ANGPTL3: variants seen among roughly 807,000 people sequenced by gnomAD.
ANGPTL3 encodes angiopoietin-related protein 3.
In ANGPTL3, 51 loss-of-function variants were observed where a neutral mutation model predicts 52.7. The observed-to-expected ratio is 0.97, with a 90% CI of 0.77 to 1.22. The LOEUF (loss-of-function observed/expected upper bound fraction) is 1.22. Among genes scored for constraint, ANGPTL3 ranks in the 50% most tolerant of loss-of-function variants. The pLI is 0.00. For synonymous variants in ANGPTL3, 185 were observed against 179.8 expected, an observed-to-expected ratio of 1.03 and a Z score of -0.23; for missense variants, 506 against 520.7, an observed-to-expected ratio of 0.97 and a Z score of 0.27.
chr1:62,598,195 C>A, intron 1 of ANGPTL3, 134 bp downstream of exon 1: 1 of 898,524 alleles, frequency 1.1e-6, no homozygotes, highest in African/African-American at 1.8e-5. Flanking sequence ...AAAATAATCT[C>A]CAGAAAATAA....
At position 62,604,749 on chromosome 1, in the gene ANGPTL3, G is replaced by A. The variant is rs753230849; in HGVS notation, c.1315G>A (p.Gly439Arg). 6.2e-6 allele frequency: 10 copies of A among 1,612,900 alleles called. No individual in the cohort carries two copies. The highest frequency in any genetic ancestry group is 8.5e-6 in the Non-Finnish European group (10 of 1,179,316). The change falls in exon 7 of 7, where the codon GGA (glycine) becomes AGA (arginine). Residue 439 changes from glycine (G) to arginine (R), a missense_variant. By Grantham distance (125) the Gly-to-Arg change is moderately radical (BLOSUM62 -2). Transcript: ENST00000371129. ...RRGLSWKSQN[G>R]RLYSIKSTKM... ...AGGATTATCTTGGAAGTCTCAAAAT[G>A]GAAGGTTATACTCTATAAAATCAAC...
At chr1:62,601,277 A>C in intron 3 of ANGPTL3, 81 bp downstream of exon 3, 1 of 990,218 alleles carries the variant, frequency 1.0e-6, no homozygotes, top group Non-Finnish European at 1.6e-6. Flanking sequence ...AGACTAAAAG[A>C]TAGTTAAGAG....
intron 5 of ANGPTL3, 43 bp from the exon 6 acceptor site, chr1:62,603,926 C>T: frequency 1.9e-6 from 3 of 1,595,756 alleles, no homozygotes; most frequent in Non-Finnish European, 2.6e-6. Context: ...AGTGTCCAAC[C>T]TGTACTTAAT....
rs1160109040 is a variant in ANGPTL3, at chr1:62,597,741, G to C, written c.175G>C (p.Asp59His). ...CCTTCAGTTGGGACATGGTCTTAAA[G>C]ACTTTGTCCATAAGACGAAGGGCCA... ...GLLQLGHGLK[D>H]FVHKTKGQIN... Residue 59 changes from aspartate to histidine, a missense_variant, in exon 1 of 7, where the codon GAC (aspartate) becomes CAC (histidine). Transcript: ENST00000371129. 2 of 1,613,560 alleles carry C rather than the reference G, an allele frequency of 1.2e-6. No homozygotes were observed. The highest frequency in any genetic ancestry group is 1.3e-5 in the African/African-American group (1 of 74,998).
At position 62,597,551 on chromosome 1, in the gene ANGPTL3, GA is replaced by G; in HGVS notation, c.-12del. The G allele has an allele frequency of 6.2e-7, 1 of 1,611,956 alleles. No individual in the cohort carries two copies. Among genetic ancestry groups the G allele is most frequent in the South Asian group, 1.1e-5 (1 of 90,782 alleles). ...AAACAGTTCCACGTTGCTTGAAATT[GA>G]AAATCAAGATAAAAATGTTCACAAT... On this transcript the variant is annotated 5_prime_UTR_variant, in exon 1 of 7. Transcript: ENST00000371129.
At chr1:62,599,982 T>A (rs902246264) in intron 2 of ANGPTL3, among the ~76,000 whole-genome samples, 13 of 151,958 alleles carry the variant, frequency 8.6e-5, no homozygotes, top group Non-Finnish European at 1.5e-4. Flanking sequence ...AACAAAATCA[T>A]TTTCAAGAGA....
intron 1 of ANGPTL3, 53 bp from the exon 2 acceptor site, chr1:62,598,643 A>C (rs1167437609): frequency 1.1e-6 from 1 of 945,954 alleles, no homozygotes; most frequent in African/African-American, 1.6e-5. Context: ...ACAGGAAATT[A>C]ATAGAAAAGA....
At chr1:62,598,920 C>CA (rs1358310982) in intron 2 of ANGPTL3, 114 bp downstream of exon 2, 1 of 703,422 alleles carries the variant, frequency 1.4e-6, no homozygotes. Context: ...ATCACATCAG[C>CA]ATAACTGTTA....
rs752195217 is a variant in ANGPTL3 at position 62,597,629 on chromosome 1, A to T, written c.63A>T (p.Gln21His). 1.2e-6 allele frequency: 2 copies of T among 1,612,868 alleles called. No individual in the cohort carries two copies. Among genetic ancestry groups the T allele is most frequent in the South Asian group, 2.2e-5 (2 of 91,032 alleles). ...VPLVISSRIDQDNSSFDSLSP... is the reference protein window; with the variant it reads ...VPLVISSRIDHDNSSFDSLSP... ...TAGTTATTTCCTCCAGAATTGATCA[A>T]GACAATTCATCATTTGATTCTCTAT... The change falls in exon 1 of 7, where the codon CAA (glutamine) becomes CAT (histidine). Residue 21 changes from glutamine to histidine, a missense_variant. Physicochemically the swap from Gln to His is conservative, Grantham distance 24. Coordinates refer to ENST00000371129, the MANE Select transcript of ANGPTL3 (RefSeq NM_014495.4).
At chr1:62,604,373 ACTATAATGAAAGTGTTCATT>A in intron 6 of ANGPTL3, 138 bp downstream of exon 6, 1 of 1,096,662 alleles carries the variant, frequency 9.1e-7, no homozygotes, top group East Asian at 2.6e-5. Context: ...AAACCTCTTA[ACTATAATGAAAGTGTTCATT>A]CTAGTTCAAT....
Position 62,600,943 on chromosome 1 carries a change from C to T in ANGPTL3, c.607-139C>T. 17 of 638,930 alleles carry T rather than the reference C, an allele frequency of 2.7e-5. No homozygotes were observed. The South Asian group carries it at 3.1e-4, about 12-fold the overall frequency. The allele number at this position is 638,930 out of a possible 1,614,324, so 39.6% of individuals were successfully genotyped here. On this transcript the variant is annotated intron_variant, in intron 2 of 6. Transcript: ENST00000371129. ...CAGGTAATCTGTACAATCTGAATAA[C>T]ACTGTTTATCTAAATATCAAACACC...
chr1:62,603,617 T>G (rs1054018715), intron 5 of ANGPTL3, among the ~76,000 whole-genome samples: 1 of 151,792 alleles, frequency 6.6e-6, no homozygotes, highest in Non-Finnish European at 1.5e-5. Flanking sequence ...AATAAATAGC[T>G]GACAGTAAAG....
rs1650874612 is a variant in ANGPTL3 at position 62,605,599 on chromosome 1, G to T, written c.*782G>T. On this transcript the variant is annotated 3_prime_UTR_variant, in exon 7 of 7. Transcript: ENST00000371129. ...TGTAAAGGAATCTTGTCAGATTACA[G>T]TAAGAATGAACATATTTGTGGCATC... The T allele has an allele frequency of 1.3e-5, 2 of 152,490 alleles. No individual in the cohort carries two copies. The highest frequency in any genetic ancestry group is 3.9e-4 in the East Asian group (2 of 5,178). The allele number at this position is 152,490 out of a possible 1,614,324, so 9.4% of individuals were successfully genotyped here.
chr1:62,597,632 C>G lies in ANGPTL3; in HGVS notation c.66C>G (p.Asp22Glu). 1 of 1,613,070 alleles carries G rather than the reference C, an allele frequency of 6.2e-7. No homozygotes were observed. The highest frequency in any genetic ancestry group is 2.2e-5 in the East Asian group (1 of 44,834). The change falls in exon 1 of 7, where the codon GAC (aspartate) becomes GAG (glutamate). Residue 22 changes from aspartate to glutamate, a missense_variant. Transcript: ENST00000371129. ...TTATTTCCTCCAGAATTGATCAAGA[C>G]AATTCATCATTTGATTCTCTATCTC... Reference protein sequence around the residue: ...PLVISSRIDQDNSSFDSLSPE... With the variant: ...PLVISSRIDQENSSFDSLSPE...
In ANGPTL3 at chr1:62,597,938, T is replaced by C. The variant is rs540771692; in HGVS notation, c.372T>C (p.Leu124=). 9 of 1,550,846 alleles carry C rather than the reference T, an allele frequency of 5.8e-6. No homozygotes were observed. The African/African-American group carries it at 1.2e-4, about 22-fold the overall frequency. The change falls in exon 1 of 7, where the codon CTT becomes CTC. Residue 124 remains leucine, a synonymous_variant. Transcript: ENST00000371129. ...TGTCACTTGAACTCAACTCAAAACT[T>C]GAAAGCCTCCTAGAAGAAAAAATTC... ...KNMSLELNSK[L]ESLLEEKILL...
chr1:62,598,087 T>C (rs767839270), intron 1 of ANGPTL3, 26 bp downstream of exon 1: 2 of 1,547,934 alleles, frequency 1.3e-6, no homozygotes, highest in Non-Finnish European at 1.7e-6. Context: ...AGAGGGTTCA[T>C]GTTTATGTTT....
At chr1:62,599,016 C>T (rs544685379) in intron 2 of ANGPTL3, among the ~76,000 whole-genome samples, 1 of 152,074 alleles carries the variant, frequency 6.6e-6, no homozygotes, top group South Asian at 2.1e-4. Context: ...ATTACTTCAC[C>T]CCTTTATCTC....
intron 5 of ANGPTL3, 47 bp downstream of exon 5, chr1:62,602,427 T>TTGCTA: frequency 6.5e-7 from 1 of 1,538,372 alleles, no homozygotes; most frequent in Non-Finnish European, 9.0e-7. Context: ...AATCTACAAA[T>TTGCTA]ATTTACTGAG....
chr1:62,598,244 C>T (rs1649584831), intron 1 of ANGPTL3, among the ~76,000 whole-genome samples, 183 bp downstream of exon 1: 1 of 151,608 alleles, frequency 6.6e-6, no homozygotes. Context: ...TTTTGTTTCC[C>T]TAATGTTATA....
Sources: allele counts gnomAD v4.1 joint callset (sites outside exome capture counted in the v4.1 genomes callset), GRCh38; gene constraint gnomAD v4.1.1; transcripts MANE v1.5; gene names NCBI Gene and HGNC (gene_info 2026-07-23, HGNC 2026-07-21).